Variants in PDE11A observed in about 807,000 individuals in gnomAD.
The protein encoded by PDE11A is phosphodiesterase 11A, also known as dual 3',5'-cyclic-AMP and -GMP phosphodiesterase 11A.
In PDE11A, 100 loss-of-function variants were observed where a neutral mutation model predicts 100.5. The ratio of observed to expected loss-of-function variants is 1.00; its 90% CI spans 0.85 to 1.18. The LOEUF (loss-of-function observed/expected upper bound fraction) is 1.18. Among genes scored for constraint, PDE11A ranks in the 50% most tolerant of loss-of-function variants. The pLI, the probability that PDE11A is intolerant of heterozygous loss-of-function variation, is 0.00. For missense variants in PDE11A, 1,141 were observed against 1,152.6 expected (o/e 0.99, Z 0.15); for synonymous variants, 381 against 420.8 (o/e 0.91, Z 1.16).
At chr2:177,850,708 A>G (rs1458155990) in intron 5 of PDE11A, among the ~76,000 whole-genome samples, 1 of 152,244 alleles carries the variant, frequency 6.6e-6, no homozygotes, top group East Asian at 1.9e-4. Flanking sequence ...AAACAACCCC[A>G]TCAAAAAGTG....
At chr2:177,789,250 A>G (rs1336660828) in intron 9 of PDE11A, among the ~76,000 whole-genome samples, 2 of 152,108 alleles carry the variant, frequency 1.3e-5, no homozygotes, top group Non-Finnish European at 2.9e-5. Context: ...AAATCAATAA[A>G]TGTAATCCAG....
intron 5 of PDE11A, among the ~76,000 whole-genome samples, chr2:177,845,115 C>T (rs2083560694): frequency 6.6e-6 from 1 of 152,020 alleles, no homozygotes; most frequent in Non-Finnish European, 1.5e-5. Context: ...GTAGGGGCAG[C>T]CGGGCAGAGG....
At chr2:178,078,385 T>C (rs759410273) in intron 2 of PDE11A, among the ~76,000 whole-genome samples, 66 of 152,278 alleles carry the variant, frequency 4.3e-4, no homozygotes, top group Non-Finnish European at 6.9e-4. Context: ...TTAAAAAACA[T>C]TTAACATTAA....
chr2:178,099,446 G>GAAAAAAA (rs201692711), intron 2 of PDE11A, among the ~76,000 whole-genome samples: 1 of 84,558 alleles, frequency 1.2e-5, no homozygotes, highest in African/African-American at 4.4e-5. Context: ...CATCTCAAGA[G>GAAAAAAA]AAAAAAAAAA....
chr2:178,049,156 T>A (rs898291602), intron 1 of PDE11A, among the ~76,000 whole-genome samples: 3 of 152,214 alleles, frequency 2.0e-5, no homozygotes, highest in Non-Finnish European at 4.4e-5. Context: ...AATATTCCAA[T>A]ATTTGAATAT....
chr2:178,081,283 C>A (rs531016016), intron 2 of PDE11A, among the ~76,000 whole-genome samples: 1 of 152,066 alleles, frequency 6.6e-6, no homozygotes, highest in Non-Finnish European at 1.5e-5. Flanking sequence ...TGGCACATAA[C>A]CTGCTTTTTA....
intron 2 of PDE11A, chr2:177,922,019 T>A (rs2085056755): frequency 6.6e-6 from 1 of 152,196 alleles, no homozygotes. Context: ...TTTTGTTAAC[T>A]TTACAAAACT....
chr2:177,758,599 C>G (rs932751279), intron 10 of PDE11A, among the ~76,000 whole-genome samples: 2 of 152,226 alleles, frequency 1.3e-5, no homozygotes, highest in African/African-American at 4.8e-5. Context: ...GGCACACAGA[C>G]AGCGAGGCTC....
intron 2 of PDE11A, among the ~76,000 whole-genome samples, chr2:177,991,455 G>GA (rs200043216): frequency 0.026 from 3,874 of 150,706 alleles, 239 homozygotes; most frequent in African/African-American, 0.089. Context: ...CCAACATGGT[G>GA]AAACCCCATC....
chr2:178,000,839 CA>C (rs909681915), intron 2 of PDE11A, among the ~76,000 whole-genome samples: 1 of 152,138 alleles, frequency 6.6e-6, no homozygotes, highest in Non-Finnish European at 1.5e-5. Context: ...CACACACACA[CA>C]AAAGTATTAA....
intron 9 of PDE11A, among the ~76,000 whole-genome samples, chr2:177,815,491 T>C (rs10182386): frequency 0.41 from 61,749 of 151,954 alleles, 14,382 homozygotes; most frequent in African/African-American, 0.64. Context: ...ATATTACATA[T>C]AAACGAAGCA....
At chr2:178,062,043 T>C (rs1350159315) in intron 1 of PDE11A, among the ~76,000 whole-genome samples, 1 of 152,222 alleles carries the variant, frequency 6.6e-6, no homozygotes, top group African/African-American at 2.4e-5. Flanking sequence ...ACAGCAGGCA[T>C]GAGTAAAAGA....
rs556082565 is a variant in PDE11A at position 177,921,138 on chromosome 2, G to GT, written c.1072-15952dup. Among the ~76,000 whole-genome samples, 54 of 148,602 alleles carry GT rather than the reference G, an allele frequency of 3.6e-4. No individual in the cohort carries two copies. The Middle Eastern group carries it at 0.01, about 28-fold the overall frequency. On this transcript the variant is annotated intron_variant, in intron 2 of 19. Coordinates refer to ENST00000286063, the MANE Select transcript of PDE11A (RefSeq NM_016953.4). Reference sequence around the variant, plus strand: ...TAGGAAAGAAATCATAATGTACAAGGTTTTTTTTAAATTGACAATATCCCA... The same window carrying GT: ...TAGGAAAGAAATCATAATGTACAAGGTTTTTTTTTAAATTGACAATATCCCA...
At chr2:177,770,211 T>C (rs2105502954) in intron 9 of PDE11A, among the ~76,000 whole-genome samples, 1 of 152,356 alleles carries the variant, frequency 6.6e-6, no homozygotes, top group East Asian at 1.9e-4. Context: ...AATGCCCTTT[T>C]GAGTGTGTCT....
In PDE11A at chr2:177,847,642, G is replaced by A. The variant is rs188076487; in HGVS notation, c.1368-7259C>T. Among the ~76,000 whole-genome samples, 420 of 152,256 alleles carry A rather than the reference G, an allele frequency of 2.8e-3. 2 individuals are homozygous for A. The highest frequency in any genetic ancestry group is 4.5e-3 in the Non-Finnish European group (309 of 68,010). ...ATACTTATTCTTTCATTCAAGGCCCGTTGTTAAAGCCTACTGCTTAGAAAT... is the reference window on the plus strand; with the variant it reads ...ATACTTATTCTTTCATTCAAGGCCCATTGTTAAAGCCTACTGCTTAGAAAT... On this transcript the variant is annotated intron_variant, in intron 5 of 19. Transcript: ENST00000286063.
At chr2:177,990,826 A>G (rs2085994593) in intron 2 of PDE11A, among the ~76,000 whole-genome samples, 1 of 149,840 alleles carries the variant, frequency 6.7e-6, no homozygotes, top group South Asian at 2.2e-4. Context: ...AGGTGGACAG[A>G]TCACAAGGTC....
In PDE11A at chr2:177,631,662, T is replaced by C. The variant is rs182695084; in HGVS notation, c.2647-2100A>G. Among the ~76,000 whole-genome samples, 16 of 140,116 alleles carry C rather than the reference T, an allele frequency of 1.1e-4. 1 individual carries two copies. The highest frequency in any genetic ancestry group is 2.2e-4 in the Non-Finnish European group (15 of 66,684). The allele number at this position is 140,116 out of a possible 152,430, so 91.9% of individuals were successfully genotyped here. A position where few individuals can be genotyped will look rare whatever the true frequency, so the allele number is the denominator to read the frequency against. On this transcript the variant is annotated intron_variant, in intron 19 of 19. Coordinates refer to ENST00000286063, the MANE Select transcript of PDE11A (RefSeq NM_016953.4). The stretch of plus-strand genomic sequence containing the variant: ...ATACATATATATGTGTGTGTATATA[T>C]ATACACATATATATATGGTATTTTA...
Position 178,024,539 on chromosome 2 carries a change from C to T in PDE11A, c.913-10079G>A, listed in dbSNP as rs758649760. Among the ~76,000 whole-genome samples the T allele has an allele frequency of 1.2e-4, 19 of 152,212 alleles. 1 individual carries two copies. The highest frequency in any genetic ancestry group is 2.9e-4 in the African/African-American group (12 of 41,464). The stretch of plus-strand genomic sequence containing the variant: ...TTCCATACACTTTCCCTGAAGGCTT[C>T]ATGAACTAGGCCTGCATACCTTTTT... On this transcript the variant is annotated intron_variant, in intron 1 of 19. Transcript: ENST00000286063.
At chr2:177,928,546 T>C (rs2085162430) in intron 2 of PDE11A, among the ~76,000 whole-genome samples, 1 of 152,102 alleles carries the variant, frequency 6.6e-6, no homozygotes, top group African/African-American at 2.4e-5. Context: ...AGAAAACTAA[T>C]ATAAGTGCAG....
Sources: allele counts gnomAD v4.1 joint callset (sites outside exome capture counted in the v4.1 genomes callset), GRCh38; gene constraint gnomAD v4.1.1; transcripts MANE v1.5; gene names NCBI Gene and HGNC (gene_info 2026-07-23, HGNC 2026-07-21).